The following FBXW11 variants were observed in gnomAD, a reference collection of about 807,000 sequenced individuals.
FBXW11 encodes F-box/WD repeat-containing protein 11.
In FBXW11, 19 loss-of-function variants were observed where a neutral mutation model predicts 77.6. That is an observed-to-expected ratio of 0.24 (90% confidence interval 0.17 to 0.36). FBXW11 has a LOEUF of 0.36. Ranked by LOEUF, FBXW11 falls within the 10% of genes least tolerant of loss-of-function variation. The probability of loss-of-function intolerance (pLI) is 1.00; values close to 1 mark genes in which losing one functional copy is unlikely to be tolerated. For synonymous variants in FBXW11, 235 were observed against 249.4 expected, an observed-to-expected ratio of 0.94 and a Z score of 0.54; for missense variants, 334 against 704.2, an observed-to-expected ratio of 0.47 and a Z score of 5.95.
chr5:171,871,180 C>A (rs1430695778), intron 10 of FBXW11, among the ~76,000 whole-genome samples: 1 of 152,174 alleles, frequency 6.6e-6, no homozygotes, highest in South Asian at 2.1e-4. Context: ...TCTATTTAAT[C>A]CTTAGGCATT....
At chr5:171,900,445 T>C (rs1183760717) in intron 4 of FBXW11, among the ~76,000 whole-genome samples, 1 of 152,200 alleles carries the variant, frequency 6.6e-6, no homozygotes, top group Non-Finnish European at 1.5e-5. Flanking sequence ...GTTTGACAGA[T>C]GAAGCACAGA....
intron 2 of FBXW11, among the ~76,000 whole-genome samples, chr5:171,950,101 CAAT>C (rs1317757603): frequency 6.6e-6 from 1 of 152,034 alleles, no homozygotes; most frequent in Non-Finnish European, 1.5e-5. Context: ...GAATATTATA[CAAT>C]GATTTTAAAT....
intron 7 of FBXW11, among the ~76,000 whole-genome samples, chr5:171,879,859 T>C (rs895398355): frequency 3.3e-5 from 5 of 152,252 alleles, no homozygotes; most frequent in African/African-American, 1.2e-4. Context: ...GTCTTTTGCA[T>C]ACATTTTCTC....
intron 1 of FBXW11, among the ~76,000 whole-genome samples, chr5:171,972,034 C>T (rs899645724): frequency 1.3e-4 from 20 of 150,936 alleles, no homozygotes; most frequent in Non-Finnish European, 4.4e-5. Context: ...GAGTTTGAGA[C>T]CAGCCTGGGC....
chr5:171,866,889 T>G (rs185870476), intron 13 of FBXW11, among the ~76,000 whole-genome samples: 1 of 152,258 alleles, frequency 6.6e-6, no homozygotes, highest in Non-Finnish European at 1.5e-5. Context: ...ATGAAGCATC[T>G]ATCCAGAAAG....
At chr5:171,866,805 C>T (rs1271027780) in intron 13 of FBXW11, among the ~76,000 whole-genome samples, 1 of 152,168 alleles carries the variant, frequency 6.6e-6, no homozygotes, top group Non-Finnish European at 1.5e-5. Flanking sequence ...TTGTCTCCTT[C>T]CTCTGTAATT....
At chr5:171,881,129 T>G (rs1034978593) in intron 7 of FBXW11, among the ~76,000 whole-genome samples, 4 of 152,224 alleles carry the variant, frequency 2.6e-5, no homozygotes, top group African/African-American at 9.6e-5. Context: ...AGGTTTTTTT[T>G]GTTGATGCTT....
intron 5 of FBXW11, 57 bp from the exon 6 acceptor site, chr5:171,899,151 T>G: frequency 8.9e-7 from 1 of 1,129,812 alleles, no homozygotes. Context: ...GTGAATTTTA[T>G]CTAAACATGG....
chr5:171,974,311 G>A (rs1257817912), intron 1 of FBXW11, among the ~76,000 whole-genome samples: 1 of 151,906 alleles, frequency 6.6e-6, no homozygotes, highest in Non-Finnish European at 1.5e-5. Context: ...GCACATGCCT[G>A]TAATCCCAGT....
chr5:171,910,854 A>G, intron 3 of FBXW11, 57 bp from the exon 4 acceptor site: 2 of 1,207,326 alleles, frequency 1.7e-6, no homozygotes, highest in Non-Finnish European at 2.3e-6. Context: ...CCTAATTAAT[A>G]TTTCATTAGA....
In FBXW11 at chr5:171,905,598, C is replaced by G. The variant is rs560168038; in HGVS notation, c.436+4974G>C. 3.5e-3 allele frequency among the ~76,000 whole-genome samples: 359 copies of G among 102,326 alleles called. 4 individuals are homozygous for G. Among genetic ancestry groups the G allele is most frequent in the African/African-American group, 9.3e-3 (348 of 37,284 alleles). 67.1% of individuals were successfully genotyped at this position (102,326 alleles called of 152,430 possible). A position where few individuals can be genotyped will look rare whatever the true frequency, so the allele number is the denominator to read the frequency against. The stretch of plus-strand genomic sequence containing the variant: ...CTCCAGCAAAAAGCTAACCCCCCCC[C>G]CTTTATTTTCTTGGTATAAGTCTCA... On this transcript the variant is annotated intron_variant, in intron 4 of 13. Coordinates refer to ENST00000517395, the MANE Select transcript of FBXW11 (RefSeq NM_001378974.1).
At chr5:171,935,056 C>T (rs140630184) in intron 2 of FBXW11, among the ~76,000 whole-genome samples, 53 of 152,270 alleles carry the variant, frequency 3.5e-4, no homozygotes, top group African/African-American at 9.6e-4. Context: ...TGGGTTCATG[C>T]TATTCTCCCG....
chr5:171,957,559 C>T (rs748120901), intron 2 of FBXW11, 38 bp downstream of exon 2: 6 of 1,531,238 alleles, frequency 3.9e-6, no homozygotes, highest in South Asian at 1.1e-5. Context: ...TCATGGCATA[C>T]GTAAAAACAC....
At chr5:171,878,603 A>AGAGTGTGTGT (rs138423567) in intron 7 of FBXW11, among the ~76,000 whole-genome samples, 95 of 128,574 alleles carry the variant, frequency 7.4e-4, no homozygotes, top group East Asian at 2.8e-3. Flanking sequence ...AGAGAGAGAG[A>AGAGTGTGTGT]GTGTGTGTGT....
At chr5:171,884,054 C>T (rs1305582620) in intron 7 of FBXW11, among the ~76,000 whole-genome samples, 1 of 146,768 alleles carries the variant, frequency 6.8e-6, no homozygotes. Context: ...TAGGTCCCAG[C>T]TATTTATCTT....
intron 6 of FBXW11, 56 bp from the exon 7 acceptor site, chr5:171,891,660 G>A: frequency 6.4e-7 from 1 of 1,556,234 alleles, no homozygotes; most frequent in Non-Finnish European, 8.7e-7. Flanking sequence ...ACTCTATTAG[G>A]TTTCAGACTT....
In FBXW11 at chr5:171,904,616, G is replaced by C. The variant is rs553523052; in HGVS notation, c.437-4516C>G. Among the ~76,000 whole-genome samples the C allele has an allele frequency of 2.0e-5, 3 of 152,134 alleles. No homozygotes were observed. The highest frequency in any genetic ancestry group is 2.9e-5 in the Non-Finnish European group (2 of 68,020). On this transcript the variant is annotated intron_variant, in intron 4 of 13. Transcript: ENST00000517395. The surrounding 1 kb of genome is among the most constrained non-coding windows in gnomAD (Gnocchi z 4.0). ...GAAACAGATTCTCACTCTGTCGCCA[G>C]TATGGAGTGCAGTGGTGGGATCTCA...
chr5:171,965,278 C>T (rs1016038868), intron 1 of FBXW11, among the ~76,000 whole-genome samples: 6 of 152,178 alleles, frequency 3.9e-5, no homozygotes, highest in African/African-American at 1.4e-4. Context: ...ATAATCCCAG[C>T]ACTGTGGGAG....
chr5:171,877,235 T>C (rs981593271), intron 8 of FBXW11, among the ~76,000 whole-genome samples: 1 of 152,120 alleles, frequency 6.6e-6, no homozygotes, highest in African/African-American at 2.4e-5. Context: ...ATGATTCCTC[T>C]AGATAGTAGA....
Sources: allele counts gnomAD v4.1 joint callset (sites outside exome capture counted in the v4.1 genomes callset), GRCh38; gene constraint gnomAD v4.1.1; non-coding constraint Gnocchi (gnomAD v3.1); transcripts MANE v1.5; gene names NCBI Gene and HGNC (gene_info 2026-07-23, HGNC 2026-07-21).